GPC2: variants seen among roughly 807,000 people sequenced by gnomAD.
The protein encoded by GPC2 is glypican-2.
A neutral mutation model predicts 57.3 loss-of-function variants in GPC2; 42 were observed. The observed-to-expected ratio is 0.73, with a 90% CI of 0.57 to 0.95. The LOEUF (loss-of-function observed/expected upper bound fraction) is 0.95. Among genes scored for constraint, GPC2 ranks in the 40% least tolerant of loss-of-function variants. GPC2 has a pLI of 0.00. For missense variants in GPC2, 745 were observed against 793.6 expected (o/e 0.94, Z 0.74); for synonymous variants, 364 against 343.4 (o/e 1.06, Z -0.66).
Position 100,171,649 on chromosome 7 carries a change from C to A in GPC2, c.1200G>T (p.Arg400=). Reference sequence around the variant, plus strand: ...ACAGCCGGGCCCAGAAGCCCCGCATCCGGGCCAGACGCTCGCGGAGCTCCC... The same window carrying A: ...ACAGCCGGGCCCAGAAGCCCCGCATACGGGCCAGACGCTCGCGGAGCTCCC... The part of the protein sequence containing the change: ...LVWELRERLA[R]MRGFWARLSL... Residue 400 remains arginine, a synonymous_variant, in exon 8 of 10, where the codon CGG becomes CGT. Coordinates refer to ENST00000292377, the MANE Select transcript of GPC2 (RefSeq NM_152742.3). This position sits in a 1 kb window ranked among gnomAD's most constrained non-coding sequence, Gnocchi z 4.8. 1 of 1,521,848 alleles carries A rather than the reference C, an allele frequency of 6.6e-7. No homozygotes were observed. The highest frequency in any genetic ancestry group is 8.7e-7 in the Non-Finnish European group (1 of 1,146,352). The allele number at this position is 1,521,848 out of a possible 1,614,324, so 94.3% of individuals were successfully genotyped here.
Position 100,171,744 on chromosome 7 carries a change from C to G in GPC2, c.1170+35G>C. On this transcript the variant is annotated intron_variant, in intron 7 of 9. Transcript: ENST00000292377. This position sits in a 1 kb window ranked among gnomAD's most constrained non-coding sequence, Gnocchi z 4.8. ...CCCCACAACCATCCCCGGCCCCGGG[C>G]CCCCCCGCCCCCAACTCTTGGTCAT... The G allele has an allele frequency of 6.8e-7, 1 of 1,472,852 alleles. No homozygotes were observed. The highest frequency in any genetic ancestry group is 9.0e-7 in the Non-Finnish European group (1 of 1,114,080). 91.2% of individuals were successfully genotyped at this position (1,472,852 alleles called of 1,614,324 possible). A position where few individuals can be genotyped will look rare whatever the true frequency, so the allele number is the denominator to read the frequency against.
rs1799276095 is a variant in GPC2 at position 100,176,199 on chromosome 7, G to T, written c.325+8C>A. 3 of 1,597,326 alleles carry T rather than the reference G, an allele frequency of 1.9e-6. No homozygotes were observed. In the Admixed American group the frequency reaches 5.3e-5, roughly 28 times the overall value. ...GTGAAGCTGAGTTTGGGGACCCCAG[G>T]TCCTCACCATCAAATTTTCTGTGCC... On this transcript the variant is annotated splice_region_variant and intron_variant, in intron 2 of 9. Coordinates refer to ENST00000292377, the MANE Select transcript of GPC2 (RefSeq NM_152742.3).
chr7:100,170,685 G>T (rs915268613), intron 9 of GPC2, among the ~76,000 whole-genome samples: 2 of 151,956 alleles, frequency 1.3e-5, no homozygotes, highest in Non-Finnish European at 2.9e-5. Flanking sequence ...CAGCAGACAT[G>T]GGGGGAGAGA....
rs967642744 is a variant in GPC2, at chr7:100,170,386, G to A, written c.1584C>T (p.Tyr528=). The A allele has an allele frequency of 1.9e-6, 3 of 1,612,580 alleles. No homozygotes were observed. Among genetic ancestry groups the A allele is most frequent in the African/African-American group, 2.7e-5 (2 of 74,852 alleles). The change falls in exon 10 of 10, where the codon TAC becomes TAT. Residue 528 remains tyrosine, a synonymous_variant. Coordinates refer to ENST00000292377, the MANE Select transcript of GPC2 (RefSeq NM_152742.3). ...CCCCAGAACCATCCCTTCTAGGAGG[G>A]TATGGAGGCCGAGGAGGCCGGGCTG... ...APPARPPRPP[Y]PPRRDGSGGK...
Position 100,173,983 on chromosome 7 carries a change from T to C in GPC2, c.744A>G (p.Glu248=), listed in dbSNP as rs764979325. Residue 248 remains glutamate, a synonymous_variant, in exon 5 of 10, where the codon GAA becomes GAG. Coordinates refer to ENST00000292377, the MANE Select transcript of GPC2 (RefSeq NM_152742.3). ...GACGCATCAGAGCCTGGCTGCAGCC[T>C]TCAGACACCGGCACCTGGGGGCAGA... The part of the protein sequence containing the change: ...VSEALKVPVS[E]GCSQALMRLI... The C allele has an allele frequency of 6.3e-7, 1 of 1,578,848 alleles. No homozygotes were observed. Among genetic ancestry groups the C allele is most frequent in the Non-Finnish European group, 8.6e-7 (1 of 1,163,476 alleles).
chr7:100,171,391 G>A lies in GPC2; in HGVS notation c.1356C>T (p.Asn452=). 1.3e-6 allele frequency: 2 copies of A among 1,520,500 alleles called. No individual in the cohort carries two copies. The highest frequency in any genetic ancestry group is 2.7e-5 in the East Asian group (1 of 37,172). The allele number at this position is 1,520,500 out of a possible 1,614,324, so 94.2% of individuals were successfully genotyped here. Residue 452 remains asparagine, a synonymous_variant, in exon 9 of 10, where the codon AAC becomes AAT. Transcript: ENST00000292377. The surrounding 1 kb of genome is among the most constrained non-coding windows in gnomAD (Gnocchi z 4.8). ...AGGCGTCCACCTTGAGCTCGGGGTTGTTGACCTGCTCGGCCGGGGAGCCCC... is the reference window on the plus strand; with the variant it reads ...AGGCGTCCACCTTGAGCTCGGGGTTATTGACCTGCTCGGCCGGGGAGCCCC... ...VVGGSPAEQV[N]NPELKVDASG... is the part of the protein sequence containing the mutation.
chr7:100,170,178 G>A lies in GPC2; in HGVS notation c.*52C>T, dbSNP rs917237497. 5.4e-6 allele frequency: 8 copies of A among 1,488,090 alleles called. 1 individual carries two copies. In the African/African-American group the frequency reaches 9.8e-5, roughly 18 times the overall value. The allele number at this position is 1,488,090 out of a possible 1,614,324, so 92.2% of individuals were successfully genotyped here. On this transcript the variant is annotated 3_prime_UTR_variant, in exon 10 of 10. Transcript: ENST00000292377. ...TCCTCCCCAGGCCCAGCTGAGGGGG[G>A]AGGAGGGGAAAGGGCCATGAACCCT...
intron 3 of GPC2, 120 bp downstream of exon 3, chr7:100,175,452 C>A (rs950240688): frequency 2.6e-6 from 2 of 760,904 alleles, no homozygotes; most frequent in Non-Finnish European, 4.2e-6. Flanking sequence ...GGCTTCAATG[C>A]AGGATGGGGG....
chr7:100,173,703 G>T, intron 5 of GPC2, 132 bp downstream of exon 5: 8 of 471,894 alleles, frequency 1.7e-5, no homozygotes, highest in East Asian at 3.5e-5. Flanking sequence ...TTGAGATGAC[G>T]TCTAGCTATG....
At chr7:100,175,915 A>T (rs1799264038) in intron 2 of GPC2, 21 bp from the exon 3 acceptor site, 1 of 1,607,034 alleles carries the variant, frequency 6.2e-7, no homozygotes, top group Non-Finnish European at 8.5e-7. Context: ...TGCAGGGAAC[A>T]GGTGGAAGGC....
chr7:100,172,669 A>ATG (rs1290820958), intron 5 of GPC2, among the ~76,000 whole-genome samples: 8 of 147,376 alleles, frequency 5.4e-5, no homozygotes, highest in African/African-American at 2.0e-4. Flanking sequence ...GTATATATAT[A>ATG]TATGTGTGTG....
Position 100,170,395 on chromosome 7 carries a change from C to T in GPC2, c.1575G>A (p.Arg525=). The T allele has an allele frequency of 1.2e-6, 2 of 1,611,958 alleles. No homozygotes were observed. The highest frequency in any genetic ancestry group is 1.7e-6 in the Non-Finnish European group (2 of 1,178,934). Residue 525 remains arginine (R), a synonymous_variant, in exon 10 of 10, where the codon CGG becomes CGA. Coordinates refer to ENST00000292377, the MANE Select transcript of GPC2 (RefSeq NM_152742.3). ...GAVAPPARPP[R]PPYPPRRDGS... ...CATCCCTTCTAGGAGGGTATGGAGG[C>T]CGAGGAGGCCGGGCTGGGGGAGCCA...
intron 9 of GPC2, among the ~76,000 whole-genome samples, 166 bp from the exon 10 acceptor site, chr7:100,170,649 G>C (rs1799161886): frequency 6.6e-6 from 1 of 152,022 alleles, no homozygotes; most frequent in East Asian, 1.9e-4. Context: ...AGGAAGGCAG[G>C]GAGAGAAGGA....
At chr7:100,174,111 G>T in intron 4 of GPC2, 114 bp from the exon 5 acceptor site, 6 of 914,484 alleles carry the variant, frequency 6.6e-6, no homozygotes, top group Non-Finnish European at 9.5e-6. Flanking sequence ...TAGGGTTGGT[G>T]ACCCCACGTG....
rs773259510 is a variant in GPC2 at position 100,172,084 on chromosome 7, T to TA, written c.1023+2dup. 2 of 1,612,548 alleles carry TA rather than the reference T, an allele frequency of 1.2e-6. No homozygotes were observed. Among genetic ancestry groups the TA allele is most frequent in the African/African-American group, 2.7e-5 (2 of 74,780 alleles). ...CTCACCTCCACCCTTCTCTCCCCTG[T>TA]ACCTGGGCGGACACCTTCGCACTGT... On this transcript the variant is annotated splice_region_variant and intron_variant, in intron 6 of 9. Coordinates refer to ENST00000292377, the MANE Select transcript of GPC2 (RefSeq NM_152742.3).
At chr7:100,174,063 C>T in intron 4 of GPC2, 66 bp from the exon 5 acceptor site, 6 of 1,400,184 alleles carry the variant, frequency 4.3e-6, no homozygotes, top group Non-Finnish European at 5.7e-6. Flanking sequence ...TGGCTTGGTG[C>T]TGGGCACAGA....
Position 100,171,161 on chromosome 7 carries a change from A to C in GPC2, c.1486+100T>G. ...GTTGAATGAATTAGTGAATTAATCAATGAACGCTAAGAGCAGAGGCACGGG... is the reference window on the plus strand; with the variant it reads ...GTTGAATGAATTAGTGAATTAATCACTGAACGCTAAGAGCAGAGGCACGGG... On this transcript the variant is annotated intron_variant, in intron 9 of 9. Coordinates refer to ENST00000292377, the MANE Select transcript of GPC2 (RefSeq NM_152742.3). The surrounding 1 kb of genome is among the most constrained non-coding windows in gnomAD (Gnocchi z 4.8). 1 of 1,054,418 alleles carries C rather than the reference A, an allele frequency of 9.5e-7. No individual in the cohort carries two copies. The highest frequency in any genetic ancestry group is 1.3e-6 in the Non-Finnish European group (1 of 762,162). The allele number at this position is 1,054,418 out of a possible 1,614,324, so 65.3% of individuals were successfully genotyped here.
Position 100,171,388 on chromosome 7 carries a change from G to C in GPC2, c.1359C>G (p.Asn453Lys). 6.6e-7 allele frequency: 1 copy of C among 1,523,008 alleles called. No homozygotes were observed. The highest frequency in any genetic ancestry group is 1.4e-5 in the African/African-American group (1 of 69,980). The allele number at this position is 1,523,008 out of a possible 1,614,324, so 94.3% of individuals were successfully genotyped here. A position where few individuals can be genotyped will look rare whatever the true frequency, so the allele number is the denominator to read the frequency against. ...VGGSPAEQVN[N>K]PELKVDASGP... Reference sequence around the variant, plus strand: ...CCGAGGCGTCCACCTTGAGCTCGGGGTTGTTGACCTGCTCGGCCGGGGAGC... The same window carrying C: ...CCGAGGCGTCCACCTTGAGCTCGGGCTTGTTGACCTGCTCGGCCGGGGAGC... Residue 453 changes from asparagine to lysine, a missense_variant, in exon 9 of 10, where the codon AAC becomes AAG. Physicochemically the swap from Asn to Lys is moderately conservative, Grantham distance 94. Transcript: ENST00000292377. This position sits in a 1 kb window ranked among gnomAD's most constrained non-coding sequence, Gnocchi z 4.8.
chr7:100,172,855 G>T (rs915210298), intron 5 of GPC2, among the ~76,000 whole-genome samples: 3 of 148,978 alleles, frequency 2.0e-5, no homozygotes, highest in Admixed American at 6.7e-5. Context: ...TAGAGAAGGG[G>T]TTTCACCATA....
Sources: allele counts gnomAD v4.1 joint callset (sites outside exome capture counted in the v4.1 genomes callset), GRCh38; gene constraint gnomAD v4.1.1; non-coding constraint Gnocchi (gnomAD v3.1); transcripts MANE v1.5; gene names NCBI Gene and HGNC (gene_info 2026-07-23, HGNC 2026-07-21).